The following TADA2B variants were observed in gnomAD, a reference collection of about 807,000 sequenced individuals.
The protein encoded by TADA2B is transcriptional adapter 2-beta.
A neutral mutation model predicts 34.5 loss-of-function variants in TADA2B; 13 were observed. The ratio of observed to expected loss-of-function variants is 0.38; its 90% CI spans 0.25 to 0.60. The LOEUF (loss-of-function observed/expected upper bound fraction) is 0.60, where lower values mean the gene tolerates loss of function less well. Among genes scored for constraint, TADA2B ranks in the 20% least tolerant of loss-of-function variants. The probability of loss-of-function intolerance (pLI) is 0.65; values close to 1 mark genes in which losing one functional copy is unlikely to be tolerated. For missense variants in TADA2B, 442 were observed against 575.0 expected, an observed-to-expected ratio of 0.77 and a Z score of 2.37; for synonymous variants, 240 against 243.4, an observed-to-expected ratio of 0.99 and a Z score of 0.13.
At chr4:7,048,616 C>T (rs545851387) in intron 1 of TADA2B, among the ~76,000 whole-genome samples, 2 of 152,110 alleles carry the variant, frequency 1.3e-5, no homozygotes, top group Admixed American at 6.5e-5. Context: ...CCATTTTAAC[C>T]GTTTTTAAGT....
At chr4:7,047,069 A>C (rs1343606760) in intron 1 of TADA2B, among the ~76,000 whole-genome samples, 1 of 152,136 alleles carries the variant, frequency 6.6e-6, no homozygotes, top group African/African-American at 2.4e-5. Context: ...GAGTCAGATT[A>C]GCGGGGTCTG....
chr4:7,051,691 G>A (rs547101946), intron 1 of TADA2B, among the ~76,000 whole-genome samples: 6 of 151,480 alleles, frequency 4.0e-5, no homozygotes, highest in African/African-American at 1.2e-4. Context: ...TCCACCTCCC[G>A]GGTTCACGCC....
chr4:7,054,746 AAGG>A lies in TADA2B; in HGVS notation c.958_960del (p.Glu320del). The A allele has an allele frequency of 2.5e-6, 4 of 1,613,884 alleles. No homozygotes were observed. Among genetic ancestry groups the A allele is most frequent in the Non-Finnish European group, 3.4e-6 (4 of 1,179,880 alleles). ...AGCGCGGCATAAACGGGAGAAGAGGAAGGAGAACAAAAACCTAGCCGGCTCCAA... is the reference window on the plus strand; with the variant it reads ...AGCGCGGCATAAACGGGAGAAGAGGAAGAACAAAAACCTAGCCGGCTCCAA... On this transcript the variant is annotated inframe_deletion, in exon 2 of 2. Coordinates refer to ENST00000310074, the MANE Select transcript of TADA2B (RefSeq NM_152293.3).
Position 7,056,995 on chromosome 4 carries a change from C to G in TADA2B, c.*1941C>G, listed in dbSNP as rs1160582981. On this transcript the variant is annotated 3_prime_UTR_variant, in exon 2 of 2. Transcript: ENST00000310074. ...GTGCAGCGAGCTGTTTTCACGAGGC[C>G]TCCAGGTGACTGGATGTAAGCTTGC... is the stretch of plus-strand genomic sequence containing the variant. 6.6e-6 allele frequency: 1 copy of G among 152,194 alleles called. No individual in the cohort carries two copies. Among genetic ancestry groups the G allele is most frequent in the African/African-American group, 2.4e-5 (1 of 41,444 alleles). 9.4% of individuals were successfully genotyped at this position (152,194 alleles called of 1,614,324 possible).
intron 1 of TADA2B, 45 bp from the exon 2 acceptor site, chr4:7,054,017 T>C (rs1723829749): frequency 6.6e-7 from 1 of 1,510,622 alleles, no homozygotes; most frequent in East Asian, 2.4e-5. Flanking sequence ...AACCCAAATC[T>C]GGCACCCTGA....
intron 1 of TADA2B, among the ~76,000 whole-genome samples, chr4:7,048,739 C>T (rs1332552889): frequency 2.6e-5 from 4 of 152,122 alleles, no homozygotes; most frequent in African/African-American, 9.7e-5. Flanking sequence ...CACTCACTCC[C>T]CCTCCCCCTT....
At chr4:7,051,959 T>A (rs754918832) in intron 1 of TADA2B, among the ~76,000 whole-genome samples, 20 of 152,242 alleles carry the variant, frequency 1.3e-4, no homozygotes, top group Non-Finnish European at 1.9e-4. Context: ...TTCCTGCTAG[T>A]CTCACTGGCT....
Position 7,043,749 on chromosome 4 carries a change from G to T in TADA2B, c.170G>T (p.Gly57Val). The T allele has an allele frequency of 6.3e-7, 1 of 1,585,112 alleles. No homozygotes were observed. Among genetic ancestry groups the T allele is most frequent in the African/African-American group, 1.4e-5 (1 of 73,876 alleles). The part of the protein sequence containing the change: ...RYHGYQLVDG[G>V]RFTLWGPEAE... The stretch of plus-strand genomic sequence containing the variant: ...CACGGCTACCAGCTGGTGGACGGCG[G>T]GCGCTTCACGCTCTGGGGGCCCGAG... The change falls in exon 1 of 2, where the codon GGG becomes GTG. Residue 57 changes from glycine to valine, a missense_variant. Gly to Val is a moderately radical substitution (Grantham distance 109). Coordinates refer to ENST00000310074, the MANE Select transcript of TADA2B (RefSeq NM_152293.3).
rs1723875591 is a variant in TADA2B, at chr4:7,055,723, A to G, written c.*669A>G. ...TTCAGCGTGCAGTTCCCAAACCCCA[A>G]AGCTGACCCTGCGCCCCATTTGAAT... is the stretch of plus-strand genomic sequence containing the variant. On this transcript the variant is annotated 3_prime_UTR_variant, in exon 2 of 2. Transcript: ENST00000310074. 6.6e-6 allele frequency: 1 copy of G among 152,280 alleles called. No individual in the cohort carries two copies. Among genetic ancestry groups the G allele is most frequent in the African/African-American group, 2.4e-5 (1 of 41,448 alleles). The allele number at this position is 152,280 out of a possible 1,614,324, so 9.4% of individuals were successfully genotyped here. A position where few individuals can be genotyped will look rare whatever the true frequency, so the allele number is the denominator to read the frequency against.
At position 7,054,725 on chromosome 4, in the gene TADA2B, C is replaced by T; in HGVS notation, c.934C>T (p.Arg312Trp). ...AGAGTCGGCAGAGTACGAGGCAGCG[C>T]GGCATAAACGGGAGAAGAGGAAGGA... The part of the protein sequence containing the change: ...MEESAEYEAA[R>W]HKREKRKENK... Residue 312 changes from arginine to tryptophan, a missense_variant, in exon 2 of 2, where the codon CGG becomes TGG. By Grantham distance (101) the Arg-to-Trp change is moderately radical. Transcript: ENST00000310074. 1 of 1,613,878 alleles carries T rather than the reference C, an allele frequency of 6.2e-7. No homozygotes were observed. The highest frequency in any genetic ancestry group is 8.5e-7 in the Non-Finnish European group (1 of 1,179,890).
At position 7,055,003 on chromosome 4, in the gene TADA2B, G is replaced by T. The variant is rs767121891; in HGVS notation, c.1212G>T (p.Arg404Ser). 4.3e-6 allele frequency: 7 copies of T among 1,612,032 alleles called. No homozygotes were observed. The Admixed American group carries it at 8.4e-5, about 19-fold the overall frequency. ...ACCTGGACAAAGTCCTAAAGAAAAG[G>T]ATTTTGAATTTCCTCACAGAAAGCG... ...PSYLDKVLKKRILNFLTESGW... is the reference protein window; with the variant it reads ...PSYLDKVLKKSILNFLTESGW... The change falls in exon 2 of 2, where the codon AGG becomes AGT. Residue 404 changes from arginine to serine, a missense_variant. Physicochemically the swap from Arg to Ser is moderately radical, Grantham distance 110 (BLOSUM62 -1). Coordinates refer to ENST00000310074, the MANE Select transcript of TADA2B (RefSeq NM_152293.3).
At chr4:7,043,973 G>A (rs1723552538) in intron 1 of TADA2B, 124 bp downstream of exon 1, 22 of 1,248,260 alleles carry the variant, frequency 1.8e-5, no homozygotes, top group Non-Finnish European at 2.2e-5. Flanking sequence ...AGGCCCCGGA[G>A]GTGGGGAGGG....
chr4:7,055,806 A>G lies in TADA2B; in HGVS notation c.*752A>G, dbSNP rs1281502646. On this transcript the variant is annotated 3_prime_UTR_variant, in exon 2 of 2. Coordinates refer to ENST00000310074, the MANE Select transcript of TADA2B (RefSeq NM_152293.3). Reference sequence around the variant, plus strand: ...AGCCGTGCCTCTTGGGCAGGCTCCCATAGTGACCACGTCCCCACGAATGGG... The same window carrying G: ...AGCCGTGCCTCTTGGGCAGGCTCCCGTAGTGACCACGTCCCCACGAATGGG... 1.3e-5 allele frequency: 2 copies of G among 152,264 alleles called. No individual in the cohort carries two copies. Among genetic ancestry groups the G allele is most frequent in the African/African-American group, 4.8e-5 (2 of 41,474 alleles). The allele number at this position is 152,264 out of a possible 1,614,324, so 9.4% of individuals were successfully genotyped here.
In TADA2B at chr4:7,043,705, C is replaced by G; in HGVS notation, c.126C>G (p.Ile42Met). ...CPECFSAGAE[I>M]GHHRRYHGYQ... ...AGTGCTTCTCGGCCGGCGCCGAGATCGGCCACCACCGCCGCTACCACGGCT... is the reference window on the plus strand; with the variant it reads ...AGTGCTTCTCGGCCGGCGCCGAGATGGGCCACCACCGCCGCTACCACGGCT... The change falls in exon 1 of 2, where the codon ATC (isoleucine) becomes ATG (methionine). Residue 42 changes from isoleucine (I) to methionine (M), a missense_variant. Physicochemically the swap from Ile to Met is conservative, Grantham distance 10. Around this residue, in one of 4 missense-constraint regions of TADA2B, gnomAD observed 102 missense variants for 177.2 expected, o/e 0.58. Coordinates refer to ENST00000310074, the MANE Select transcript of TADA2B (RefSeq NM_152293.3). 1 of 1,586,012 alleles carries G rather than the reference C, an allele frequency of 6.3e-7. No individual in the cohort carries two copies. The highest frequency in any genetic ancestry group is 8.5e-7 in the Non-Finnish European group (1 of 1,171,042).
At chr4:7,050,750 A>C (rs1403608235) in intron 1 of TADA2B, among the ~76,000 whole-genome samples, 1 of 152,230 alleles carries the variant, frequency 6.6e-6, no homozygotes, top group African/African-American at 2.4e-5. Flanking sequence ...GCACGTCTCC[A>C]ACGTGCTTGT....
chr4:7,053,946 A>G (rs1469974067), intron 1 of TADA2B, 116 bp from the exon 2 acceptor site: 2 of 1,207,834 alleles, frequency 1.7e-6, no homozygotes, highest in East Asian at 2.6e-5. Context: ...AGGGTGGGTA[A>G]CGGTGCTGTA....
At chr4:7,051,237 G>C (rs889689949) in intron 1 of TADA2B, among the ~76,000 whole-genome samples, 7 of 152,204 alleles carry the variant, frequency 4.6e-5, no homozygotes, top group African/African-American at 1.7e-4. Flanking sequence ...TTCCCTGTGG[G>C]AGGGAAGCTA....
Position 7,054,678 on chromosome 4 carries a change from G to A in TADA2B, c.887G>A (p.Arg296Gln), listed in dbSNP as rs1314189527. The A allele has an allele frequency of 1.2e-6, 2 of 1,613,910 alleles. No individual in the cohort carries two copies. Among genetic ancestry groups the A allele is most frequent in the South Asian group, 1.1e-5 (1 of 91,068 alleles). ...AKIRELQRYR[R>Q]NGITKMEESA... ...ATCCGAGAACTGCAGCGGTACCGGC[G>A]AAACGGGATCACCAAGATGGAAGAG... The change falls in exon 2 of 2, where the codon CGA becomes CAA. Residue 296 changes from arginine to glutamine, a missense_variant. Arg to Gln is a conservative substitution (Grantham distance 43). Transcript: ENST00000310074.
chr4:7,046,739 GT>G (rs1449382429), intron 1 of TADA2B, among the ~76,000 whole-genome samples: 1 of 152,224 alleles, frequency 6.6e-6, no homozygotes, highest in Non-Finnish European at 1.5e-5. Flanking sequence ...CGACAGTGAT[GT>G]GACGAAAGAT....
Sources: gnomAD v4.1 joint callset for allele counts (sites outside exome capture counted in the v4.1 genomes callset) on GRCh38, gnomAD v4.1.1 for gene constraint, gnomAD v4.1.1 regional missense constraint, MANE v1.5 for transcripts, NCBI Gene and HGNC (gene_info 2026-07-23, HGNC 2026-07-21) for gene names.